Variants in CNTNAP5 observed in about 807,000 individuals in gnomAD.
CNTNAP5 encodes contactin-associated protein-like 5.
CNTNAP5 carries 72 observed loss-of-function variants against 150.2 expected under a neutral mutation model. The ratio of observed to expected loss-of-function variants is 0.48; its 90% CI spans 0.40 to 0.58. The LOEUF (loss-of-function observed/expected upper bound fraction) is 0.58, where lower values mean the gene tolerates loss of function less well. CNTNAP5 is among the 20% of genes least tolerant of loss of function. The probability of loss-of-function intolerance (pLI) is 0.00; values close to 1 mark genes in which losing one functional copy is unlikely to be tolerated. For missense variants in CNTNAP5, 1,636 were observed against 1,626.2 expected (o/e 1.01, Z -0.10); for synonymous variants, 672 against 619.8 (o/e 1.08, Z -1.25).
At chr2:124,550,597 A>G (rs1369536520) in intron 10 of CNTNAP5, among the ~76,000 whole-genome samples, 2 of 152,114 alleles carry the variant, frequency 1.3e-5, no homozygotes, top group South Asian at 2.1e-4. Flanking sequence ...AGTGCAGGGA[A>G]CACAAAACCT....
intron 8 of CNTNAP5, among the ~76,000 whole-genome samples, chr2:124,521,949 C>G (rs994723117): frequency 6.6e-6 from 1 of 152,160 alleles, no homozygotes; most frequent in African/African-American, 2.4e-5. Context: ...GGAAGTGGGG[C>G]CACCAGGCTG....
At chr2:124,189,384 G>T (rs1685408775) in intron 1 of CNTNAP5, among the ~76,000 whole-genome samples, 1 of 152,138 alleles carries the variant, frequency 6.6e-6, no homozygotes, top group Admixed American at 6.5e-5. Context: ...AGGTTTGGAG[G>T]TGTGGAGGCC....
chr2:124,319,443 T>C (rs76142977), intron 3 of CNTNAP5, among the ~76,000 whole-genome samples: 1,898 of 152,296 alleles, frequency 0.012, 40 homozygotes, highest in African/African-American at 0.041. Flanking sequence ...AACCTCAAAC[T>C]GGCACAGTTG....
At chr2:124,896,215 T>C (rs1385958810) in intron 21 of CNTNAP5, among the ~76,000 whole-genome samples, 1 of 151,456 alleles carries the variant, frequency 6.6e-6, no homozygotes, top group Non-Finnish European at 1.5e-5. Context: ...TGGATGTAAA[T>C]GTAAAAGTAA....
At position 124,678,074 on chromosome 2, in the gene CNTNAP5, C is replaced by T. The variant is rs1237073137; in HGVS notation, c.2077+30116C>T. Among the ~76,000 whole-genome samples, 3 of 151,786 alleles carry T rather than the reference C, an allele frequency of 2.0e-5. 1 individual carries two copies. The highest frequency in any genetic ancestry group is 1.9e-4 in the East Asian group (1 of 5,160). On this transcript the variant is annotated intron_variant, in intron 13 of 23. Coordinates refer to ENST00000682447, the MANE Select transcript of CNTNAP5 (RefSeq NM_001367498.1). ...TGTCTAGTTTTCCACTGTTGTCTTA[C>T]ATCCCCATCTTTGTTCCCATCTAGT...
At chr2:124,668,309 A>T (rs1678742312) in intron 13 of CNTNAP5, among the ~76,000 whole-genome samples, 1 of 152,172 alleles carries the variant, frequency 6.6e-6, no homozygotes. Flanking sequence ...TCCCTGAGGG[A>T]GGCATAAGTG....
At chr2:124,394,511 T>C (rs1272099287) in intron 3 of CNTNAP5, among the ~76,000 whole-genome samples, 2 of 152,176 alleles carry the variant, frequency 1.3e-5, no homozygotes, top group African/African-American at 4.8e-5. Flanking sequence ...AAACAATTTC[T>C]GACAGAGAAT....
intron 3 of CNTNAP5, among the ~76,000 whole-genome samples, chr2:124,243,333 T>C (rs1686934539): frequency 6.9e-6 from 1 of 145,418 alleles, no homozygotes; most frequent in African/African-American, 2.8e-5. Context: ...TACATTAGTG[T>C]TGTCTTCACA....
chr2:124,273,233 A>G (rs1346363180), intron 3 of CNTNAP5, among the ~76,000 whole-genome samples: 1 of 152,202 alleles, frequency 6.6e-6, no homozygotes. Context: ...CCTATTTCTC[A>G]GGTTATTTTG....
At chr2:124,073,515 A>G (rs1682362701) in intron 1 of CNTNAP5, among the ~76,000 whole-genome samples, 1 of 152,132 alleles carries the variant, frequency 6.6e-6, no homozygotes, top group Non-Finnish European at 1.5e-5. Flanking sequence ...ATCCCATAGG[A>G]AAGATTGACT....
intron 17 of CNTNAP5, among the ~76,000 whole-genome samples, chr2:124,789,479 C>T (rs1041759205): frequency 1.3e-5 from 2 of 151,990 alleles, no homozygotes; most frequent in African/African-American, 2.4e-5. Context: ...ATGGATTTGT[C>T]GTATAGATTA....
At chr2:124,508,604 C>T (rs187140860) in intron 8 of CNTNAP5, among the ~76,000 whole-genome samples, 1 of 152,320 alleles carries the variant, frequency 6.6e-6, no homozygotes, top group Admixed American at 6.5e-5. Context: ...AGAGCTGCCA[C>T]CTTACCCAGC....
intron 14 of CNTNAP5, among the ~76,000 whole-genome samples, chr2:124,759,344 T>C (rs1048068621): frequency 1.4e-5 from 2 of 146,226 alleles, no homozygotes; most frequent in Non-Finnish European, 3.0e-5. Context: ...AATATATATA[T>C]ACATTATATA....
At chr2:124,523,392 A>G (rs956074960) in intron 8 of CNTNAP5, among the ~76,000 whole-genome samples, 2 of 152,216 alleles carry the variant, frequency 1.3e-5, no homozygotes, top group East Asian at 1.9e-4. Context: ...CTTTGTGACC[A>G]ATCAGTTAAT....
At position 124,817,908 on chromosome 2, in the gene CNTNAP5, A is replaced by G. The variant is rs546619551; in HGVS notation, c.3217+19588A>G. ...CAGATAATTTTAAAACAATAATAAA[A>G]CTGAGTGCAAATGGGCCGGTCTTGT... On this transcript the variant is annotated intron_variant, in intron 19 of 23. Coordinates refer to ENST00000682447, the MANE Select transcript of CNTNAP5 (RefSeq NM_001367498.1). 3.2e-4 allele frequency among the ~76,000 whole-genome samples: 49 copies of G among 152,182 alleles called. 1 individual carries two copies. Among genetic ancestry groups the G allele is most frequent in the Non-Finnish European group, 5.3e-4 (36 of 68,006 alleles).
At chr2:124,061,261 TTAATC>T (rs1682003272) in intron 1 of CNTNAP5, among the ~76,000 whole-genome samples, 1 of 152,228 alleles carries the variant, frequency 6.6e-6, no homozygotes, top group Non-Finnish European at 1.5e-5. Flanking sequence ...ACTATTGTCT[TTAATC>T]TATCACTTGA....
intron 3 of CNTNAP5, among the ~76,000 whole-genome samples, chr2:124,380,518 T>C (rs555271597): frequency 1.3e-5 from 2 of 152,344 alleles, no homozygotes; most frequent in African/African-American, 4.8e-5. Context: ...CTCCATCAAA[T>C]AAGCATATTC....
At chr2:124,293,370 A>G (rs1430253) in intron 3 of CNTNAP5, among the ~76,000 whole-genome samples, 98,421 of 151,424 alleles carry the variant, frequency 0.65, 32,382 homozygotes, top group South Asian at 0.85. Flanking sequence ...ATTGCATTGA[A>G]TAGTATTCTC....
At chr2:124,810,531 T>C (rs1212635892) in intron 19 of CNTNAP5, among the ~76,000 whole-genome samples, 2 of 152,138 alleles carry the variant, frequency 1.3e-5, no homozygotes, top group Non-Finnish European at 2.9e-5. Context: ...AAGGGATGCC[T>C]AGTCCAACCT....
Sources: gnomAD v4.1 joint callset for allele counts (sites outside exome capture counted in the v4.1 genomes callset) on GRCh38, gnomAD v4.1.1 for gene constraint, MANE v1.5 for transcripts, NCBI Gene and HGNC (gene_info 2026-07-23, HGNC 2026-07-21) for gene names.